METTL16: variants seen among roughly 807,000 people sequenced by gnomAD.
METTL16 encodes RNA N(6)-adenosine-methyltransferase METTL16.
A neutral mutation model predicts 57.9 loss-of-function variants in METTL16; 19 were observed. The ratio of observed to expected loss-of-function variants is 0.33; its 90% CI spans 0.23 to 0.48. The LOEUF (loss-of-function observed/expected upper bound fraction) is 0.48. Ranked by LOEUF, METTL16 falls within the 20% of genes least tolerant of loss-of-function variation. The pLI is 0.99. For missense variants in METTL16, 434 were observed against 691.5 expected (o/e 0.63, Z 4.18); for synonymous variants, 246 against 255.6 (o/e 0.96, Z 0.36).
chr17:2,447,711 G>C, intron 6 of METTL16, among the ~76,000 whole-genome samples: 1 of 142,594 alleles, frequency 7.0e-6, no homozygotes, highest in East Asian at 2.1e-4. Context: ...GGGAGGGGGG[G>C]TCAGCCCCCC....
At chr17:2,442,250 T>C (rs1274840513) in intron 6 of METTL16, among the ~76,000 whole-genome samples, 1 of 152,184 alleles carries the variant, frequency 6.6e-6, no homozygotes, top group Non-Finnish European at 1.5e-5. Flanking sequence ...ATAGCTGTTT[T>C]TCAGACATTG....
intron 8 of METTL16, among the ~76,000 whole-genome samples, chr17:2,432,508 G>A (rs1597440674): frequency 6.6e-6 from 1 of 152,254 alleles, no homozygotes; most frequent in African/African-American, 2.4e-5. Context: ...GGTCAAAGCT[G>A]CAGTGAGCCG....
intron 6 of METTL16, among the ~76,000 whole-genome samples, chr17:2,443,536 G>C (rs1312830849): frequency 6.7e-6 from 1 of 149,388 alleles, no homozygotes; most frequent in Non-Finnish European, 1.5e-5. Flanking sequence ...ACCCAGGCTG[G>C]AGTGCAGTAG....
chr17:2,503,538 A>C (rs1014829491), intron 1 of METTL16, among the ~76,000 whole-genome samples: 9 of 151,882 alleles, frequency 5.9e-5, no homozygotes, highest in South Asian at 2.1e-4. Context: ...TATATCCATA[A>C]AATAAATATG....
intron 2 of METTL16, among the ~76,000 whole-genome samples, chr17:2,498,061 G>C (rs1015797501): frequency 2.6e-5 from 4 of 151,518 alleles, no homozygotes; most frequent in Admixed American, 6.6e-5. Context: ...GGGCGTGGTG[G>C]CGGGCACCTG....
At chr17:2,471,124 C>A (rs1449932372) in intron 4 of METTL16, among the ~76,000 whole-genome samples, 1 of 152,192 alleles carries the variant, frequency 6.6e-6, no homozygotes, top group Non-Finnish European at 1.5e-5. Flanking sequence ...ATATCCCTCA[C>A]AAAATTTAAC....
At chr17:2,448,802 T>TAAAAAAAAAAAAAAAAAAAAAAAAAAAA (rs71150866) in intron 6 of METTL16, among the ~76,000 whole-genome samples, 1 of 43,642 alleles carries the variant, frequency 2.3e-5, no homozygotes. Context: ...AAATAAAATT[T>TAAAAAAAAAAAAAAAAAAAAAAAAAAAA]AAAAAAAAAA....
chr17:2,477,988 AG>A, intron 2 of METTL16, 103 bp from the exon 3 acceptor site: 1 of 887,106 alleles, frequency 1.1e-6, no homozygotes, highest in Non-Finnish European at 1.8e-6. Flanking sequence ...CGAACCTCCC[AG>A]GGAGATCACA....
chr17:2,466,030 T>C (rs2067192493), intron 5 of METTL16, among the ~76,000 whole-genome samples: 1 of 151,366 alleles, frequency 6.6e-6, no homozygotes, highest in South Asian at 2.1e-4. Flanking sequence ...CCGTCTCTAC[T>C]AAAAATACAA....
chr17:2,456,733 T>C (rs769534678), intron 6 of METTL16, among the ~76,000 whole-genome samples: 1 of 152,132 alleles, frequency 6.6e-6, no homozygotes, highest in Non-Finnish European at 1.5e-5. Context: ...GTTTGCAAAG[T>C]GCTGAGATTA....
At position 2,473,778 on chromosome 17, in the gene METTL16, G is replaced by A. The variant is rs184428049; in HGVS notation, c.329-114C>T. 8.0e-5 allele frequency: 91 copies of A among 1,142,080 alleles called. 1 individual carries two copies. Among genetic ancestry groups the A allele is most frequent in the Non-Finnish European group, 9.6e-5 (78 of 812,710 alleles). The allele number at this position is 1,142,080 out of a possible 1,614,324, so 70.7% of individuals were successfully genotyped here. A position where few individuals can be genotyped will look rare whatever the true frequency, so the allele number is the denominator to read the frequency against. The stretch of plus-strand genomic sequence containing the variant: ...TTTGCAGACAGGGTCTCACTCTGTC[G>A]CCCAGGCTACAGTGCAGTGGTGTGA... On this transcript the variant is annotated intron_variant, in intron 3 of 9. Coordinates refer to ENST00000263092, the MANE Select transcript of METTL16 (RefSeq NM_024086.4).
chr17:2,424,741 G>A (rs950883571), intron 8 of METTL16, among the ~76,000 whole-genome samples: 1 of 152,056 alleles, frequency 6.6e-6, no homozygotes, highest in African/African-American at 2.4e-5. Flanking sequence ...AAGGTCGGGA[G>A]ATTGAGACCA....
intron 6 of METTL16, among the ~76,000 whole-genome samples, chr17:2,446,916 G>C (rs1230347571): frequency 1.3e-5 from 2 of 151,448 alleles, no homozygotes; most frequent in East Asian, 3.9e-4. Context: ...GCAGTGGCGT[G>C]ATCTCGGCTC....
At chr17:2,467,256 T>C (rs531563730) in intron 5 of METTL16, among the ~76,000 whole-genome samples, 15 of 152,272 alleles carry the variant, frequency 9.9e-5, no homozygotes, top group African/African-American at 3.6e-4. Context: ...CACACGCCTA[T>C]GGCCTCAGCT....
chr17:2,446,904 G>C (rs988767568), intron 6 of METTL16, among the ~76,000 whole-genome samples: 3 of 151,584 alleles, frequency 2.0e-5, no homozygotes, highest in African/African-American at 7.3e-5. Context: ...CCAGGCTGGA[G>C]TGCAGTGGCG....
intron 7 of METTL16, 25 bp from the exon 8 acceptor site, chr17:2,438,223 C>T (rs186539463): frequency 5.3e-5 from 80 of 1,507,870 alleles, no homozygotes; most frequent in Middle Eastern, 1.7e-4. Context: ...GACAGCATCT[C>T]ATCAAACTGC....
chr17:2,487,603 G>A (rs746860647), intron 2 of METTL16, among the ~76,000 whole-genome samples: 1 of 152,196 alleles, frequency 6.6e-6, no homozygotes, highest in Non-Finnish European at 1.5e-5. Flanking sequence ...CTGCTCAGAA[G>A]GCAACGGAGC....
chr17:2,468,523 C>T (rs773759035), intron 4 of METTL16, among the ~76,000 whole-genome samples: 2 of 152,132 alleles, frequency 1.3e-5, no homozygotes, highest in Non-Finnish European at 2.9e-5. Context: ...TCAGCTAGAA[C>T]CACTCAACTA....
chr17:2,437,545 T>C (rs2066917264), intron 8 of METTL16, among the ~76,000 whole-genome samples: 1 of 151,862 alleles, frequency 6.6e-6, no homozygotes, highest in Non-Finnish European at 1.5e-5. Flanking sequence ...AAAAAATTTT[T>C]ATTTATTTCA....
Sources: allele counts gnomAD v4.1 joint callset (sites outside exome capture counted in the v4.1 genomes callset), GRCh38; gene constraint gnomAD v4.1.1; transcripts MANE v1.5; gene names NCBI Gene and HGNC (gene_info 2026-07-23, HGNC 2026-07-21).